Variants in ABL2 observed in about 807,000 individuals in gnomAD.
The protein encoded by ABL2 is tyrosine-protein kinase ABL2.
Under a neutral mutation model 107.7 loss-of-function variants are expected in ABL2, and 49 were observed. The ratio of observed to expected loss-of-function variants is 0.45; its 90% confidence interval spans 0.36 to 0.58. The LOEUF is 0.58. Ranked by LOEUF, ABL2 falls within the 20% of genes least tolerant of loss-of-function variation. The pLI is 0.00. For missense variants in ABL2, 1,245 were observed against 1,457.0 expected, an observed-to-expected ratio of 0.85 and a Z score of 2.37; for synonymous variants, 549 against 548.6, an observed-to-expected ratio of 1.00 and a Z score of -0.01.
At chr1:179,229,167 T>TGCCCCCCCCCCCCCC in intron 1 of ABL2, 74 bp downstream of exon 1, 43 of 402,568 alleles carry the variant, frequency 1.1e-4, no homozygotes, top group East Asian at 2.0e-4. Flanking sequence ...GGGCAGCCCG[T>TGCCCCCCCCCCCCCC]CCGCCACCCA....
intron 1 of ABL2, among the ~76,000 whole-genome samples, chr1:179,200,560 C>T (rs1661608058): frequency 6.6e-6 from 1 of 152,272 alleles, no homozygotes; most frequent in East Asian, 1.9e-4. Context: ...CATATTCTAT[C>T]TCCCACCCCA....
Position 179,229,258 on chromosome 1 carries a change from T to G in ABL2, c.140A>C (p.Asn47Thr). The change falls in exon 1 of 12, where the codon AAT becomes ACT. Residue 47 changes from asparagine (N) to threonine (T), a missense_variant. Around this residue, in one of 3 missense-constraint regions of ABL2, gnomAD observed 164 missense variants for 143.7 expected, o/e 1.14. Coordinates refer to ENST00000502732, the MANE Select transcript of ABL2 (RefSeq NM_007314.4). ...ACACTCACCATGCTGGGTGAAGATA[T>G]TGAAGCCGGTCTCTGTGGTGCGCCC... ...PAGRTTETGF[N>T]IFTQHDHFAS... 6.5e-7 allele frequency: 1 copy of G among 1,534,116 alleles called. No individual in the cohort carries two copies. Among genetic ancestry groups the G allele is most frequent in the Non-Finnish European group, 8.8e-7 (1 of 1,140,630 alleles).
At chr1:179,218,459 C>T (rs552718781) in intron 1 of ABL2, among the ~76,000 whole-genome samples, 1 of 152,166 alleles carries the variant, frequency 6.6e-6, no homozygotes, top group African/African-American at 2.4e-5. Context: ...TGCAGTGGTA[C>T]GATCTCGGCT....
In ABL2 at chr1:179,229,275, G is replaced by A. The variant is rs755197010; in HGVS notation, c.123C>T (p.Thr41=). Reference sequence around the variant, plus strand: ...TGAAGATATTGAAGCCGGTCTCTGTGGTGCGCCCCGCCGGGTCCCGCCTGC... The same window carrying A: ...TGAAGATATTGAAGCCGGTCTCTGTAGTGCGCCCCGCCGGGTCCCGCCTGC... ...SGRRRDPAGR[T]TETGFNIFTQ... The change falls in exon 1 of 12, where the codon ACC becomes ACT. Residue 41 remains threonine (T), a synonymous_variant. Transcript: ENST00000502732. 2 of 1,564,432 alleles carry A rather than the reference G, an allele frequency of 1.3e-6. No homozygotes were observed. The highest frequency in any genetic ancestry group is 1.9e-5 in the Admixed American group (1 of 53,312).
rs1387989573 is a variant in ABL2 at position 179,103,480 on chromosome 1, A to G, written c.*4238T>C. ...ATAATGTGAACAATAAAGTTTTTTT[A>G]AAGAAAAGGGAATGTAGGACTAACT... On this transcript the variant is annotated 3_prime_UTR_variant, in exon 12 of 12. Coordinates refer to ENST00000502732, the MANE Select transcript of ABL2 (RefSeq NM_007314.4). The G allele has an allele frequency of 4.8e-6, 1 of 207,388 alleles. No individual in the cohort carries two copies. The highest frequency in any genetic ancestry group is 9.8e-6 in the Non-Finnish European group (1 of 101,852). The allele number at this position is 207,388 out of a possible 1,614,324, so 12.8% of individuals were successfully genotyped here. A position where few individuals can be genotyped will look rare whatever the true frequency, so the allele number is the denominator to read the frequency against.
intron 9 of ABL2, 138 bp downstream of exon 9, chr1:179,114,740 G>A: frequency 1.2e-6 from 1 of 863,472 alleles, no homozygotes; most frequent in Admixed American, 3.6e-5. Context: ...ACAACTGGCT[G>A]ATCAATGATA....
intron 6 of ABL2, 92 bp from the exon 7 acceptor site, chr1:179,118,856 T>A: frequency 7.3e-7 from 1 of 1,369,872 alleles, no homozygotes; most frequent in South Asian, 1.3e-5. Context: ...ATTTTTCAGG[T>A]CTAGTTCGGC....
chr1:179,130,602 G>T (rs1291315719), intron 3 of ABL2, among the ~76,000 whole-genome samples: 1 of 152,142 alleles, frequency 6.6e-6, no homozygotes, highest in Admixed American at 6.5e-5. Context: ...AGGAATGGTA[G>T]GAAAGGTTTA....
intron 10 of ABL2, chr1:179,110,660 C>T: frequency 1.3e-6 from 2 of 1,544,266 alleles, no homozygotes; most frequent in East Asian, 4.6e-5. Flanking sequence ...CTGCATGTGG[C>T]AGGGGTTCTC....
At position 179,108,203 on chromosome 1, in the gene ABL2, C is replaced by T. The variant is rs1279274624; in HGVS notation, c.3064G>A (p.Gly1022Arg). 1 of 1,614,058 alleles carries T rather than the reference C, an allele frequency of 6.2e-7. No individual in the cohort carries two copies. The highest frequency in any genetic ancestry group is 1.3e-5 in the African/African-American group (1 of 74,914). ...GQSTSETQEG[G>R]KKAALGAVPI... ...ACTGCGCCCAGAGCTGCCTTCTTTCCTCCTTCCTGTGTTTCTGATGTGGAC... is the reference window on the plus strand; with the variant it reads ...ACTGCGCCCAGAGCTGCCTTCTTTCTTCCTTCCTGTGTTTCTGATGTGGAC... Residue 1022 changes from glycine (G) to arginine (R), a missense_variant, in exon 12 of 12, where the codon GGA becomes AGA. By Grantham distance (125) the Gly-to-Arg change is moderately radical. Transcript: ENST00000502732.
intron 9 of ABL2, among the ~76,000 whole-genome samples, chr1:179,113,396 G>A (rs1654294332): frequency 6.6e-6 from 1 of 152,306 alleles, no homozygotes; most frequent in South Asian, 2.1e-4. Context: ...TATACATTCA[G>A]AAATATAAAA....
In ABL2 at chr1:179,109,220, A is replaced by G. The variant is rs1486994320; in HGVS notation, c.2047T>C (p.Tyr683His). Residue 683 changes from tyrosine to histidine, a missense_variant, in exon 12 of 12, where the codon TAC becomes CAC. Around this residue, in one of 3 missense-constraint regions of ABL2, gnomAD observed 761 missense variants for 766.4 expected, o/e 0.99. Transcript: ENST00000502732. Reference sequence around the variant, plus strand: ...GATGAGAAGTTACCCGTGAGTTCGTATTTCTTATGGGGCTGATTCTCCATT... The same window carrying G: ...GATGAGAAGTTACCCGTGAGTTCGTGTTTCTTATGGGGCTGATTCTCCATT... ...REMENQPHKK[Y>H]ELTGNFSSVA... is the part of the protein sequence containing the mutation. The G allele has an allele frequency of 1.4e-5, 22 of 1,613,816 alleles. No individual in the cohort carries two copies. The highest frequency in any genetic ancestry group is 1.8e-5 in the Non-Finnish European group (21 of 1,179,996).
At position 179,131,365 on chromosome 1, in the gene ABL2, C is replaced by T. The variant is rs201168871; in HGVS notation, c.337G>A (p.Val113Ile). ...CTTGCTACAAAATCATAAAGTGCAA[C>T]GAAGAGATTAGGGTCACTCTCAGTG... ...GATESDPNLF[V>I]ALYDFVASGD... The change falls in exon 3 of 12, where the codon GTT (valine) becomes ATT (isoleucine). Residue 113 changes from valine (V) to isoleucine (I), a missense_variant. Val to Ile is a conservative substitution (Grantham distance 29). Coordinates refer to ENST00000502732, the MANE Select transcript of ABL2 (RefSeq NM_007314.4). 1.7e-5 allele frequency: 28 copies of T among 1,613,928 alleles called. No individual in the cohort carries two copies. Among genetic ancestry groups the T allele is most frequent in the Non-Finnish European group, 2.3e-5 (27 of 1,179,996 alleles).
chr1:179,169,286 C>T (rs1489405434), intron 1 of ABL2, among the ~76,000 whole-genome samples: 3 of 152,032 alleles, frequency 2.0e-5, no homozygotes, highest in Non-Finnish European at 4.4e-5. Flanking sequence ...CGGTGGCTCA[C>T]GCCTGTAATG....
At chr1:179,163,584 T>C (rs1659207637) in intron 1 of ABL2, among the ~76,000 whole-genome samples, 1 of 151,986 alleles carries the variant, frequency 6.6e-6, no homozygotes, top group Admixed American at 6.6e-5. Flanking sequence ...CTGTCTCTAC[T>C]AAAAATACAA....
intron 3 of ABL2, among the ~76,000 whole-genome samples, chr1:179,127,127 G>A (rs758328607): frequency 5.9e-5 from 9 of 152,030 alleles, no homozygotes; most frequent in Admixed American, 6.6e-5. Context: ...GAGATACAAA[G>A]TGACTTCTAA....
chr1:179,176,878 T>C (rs1331010272), intron 1 of ABL2, among the ~76,000 whole-genome samples: 1 of 151,950 alleles, frequency 6.6e-6, no homozygotes, highest in Non-Finnish European at 1.5e-5. Flanking sequence ...GTATTTTTAG[T>C]AGAGATGGGG....
At chr1:179,180,168 T>C (rs1660290081) in intron 1 of ABL2, among the ~76,000 whole-genome samples, 1 of 151,830 alleles carries the variant, frequency 6.6e-6, no homozygotes, top group Admixed American at 6.6e-5. Context: ...CCACCTACTG[T>C]ATGCCAAGGA....
At chr1:179,161,723 A>G (rs1659080026) in intron 1 of ABL2, among the ~76,000 whole-genome samples, 1 of 152,154 alleles carries the variant, frequency 6.6e-6, no homozygotes, top group Non-Finnish European at 1.5e-5. Flanking sequence ...TAAAGAAATA[A>G]CGAGTACTTA....
Sources: gnomAD v4.1 joint callset for allele counts (sites outside exome capture counted in the v4.1 genomes callset) on GRCh38, gnomAD v4.1.1 for gene constraint, gnomAD v4.1.1 regional missense constraint, MANE v1.5 for transcripts, NCBI Gene and HGNC (gene_info 2026-07-23, HGNC 2026-07-21) for gene names.